The following ATXN7L1 variants were observed in gnomAD, a reference collection of about 807,000 sequenced individuals.
ATXN7L1 encodes ataxin 7 like 1, also known as ataxin-7-like protein 1.
ATXN7L1 carries 15 observed loss-of-function variants against 70.8 expected under a neutral mutation model. The observed-to-expected ratio is 0.21, with a 90% confidence interval of 0.14 to 0.33. The LOEUF (loss-of-function observed/expected upper bound fraction) is 0.33. Among genes scored for constraint, ATXN7L1 ranks in the 10% least tolerant of loss-of-function variants. ATXN7L1 has a pLI of 1.00. For missense variants in ATXN7L1, 975 were observed against 1,097.1 expected, an observed-to-expected ratio of 0.89 and a Z score of 1.57; for synonymous variants, 440 against 445.1, an observed-to-expected ratio of 0.99 and a Z score of 0.14.
intron 3 of ATXN7L1, among the ~76,000 whole-genome samples, chr7:105,716,378 G>A (rs899849068): frequency 6.6e-6 from 1 of 152,010 alleles, no homozygotes; most frequent in Admixed American, 6.6e-5. Context: ...CATTCTTCCC[G>A]CAGCGTTTGG....
At chr7:105,617,305 T>A (rs1221780049) in intron 9 of ATXN7L1, among the ~76,000 whole-genome samples, 1 of 152,174 alleles carries the variant, frequency 6.6e-6, no homozygotes, top group Non-Finnish European at 1.5e-5. Context: ...ATTACAGGCA[T>A]GAGCCACTGC....
intron 3 of ATXN7L1, among the ~76,000 whole-genome samples, chr7:105,690,835 G>A (rs370804574): frequency 1.3e-5 from 2 of 152,058 alleles, no homozygotes; most frequent in East Asian, 1.9e-4. Context: ...TAAATATTAC[G>A]GGAAACCCTT....
intron 3 of ATXN7L1, among the ~76,000 whole-genome samples, chr7:105,692,424 T>TCCCTCCCTCCCTCCCTCCTTCCTCCCTC (rs1554431696): frequency 1.1e-5 from 1 of 88,086 alleles, no homozygotes; most frequent in African/African-American, 4.4e-5. Flanking sequence ...CTTCCTTCCT[T>TCCCTCCCTCCCTCCCTCCTTCCTCCCTC]CCTCCCTCCC....
At chr7:105,636,457 C>T (rs748154471) in intron 7 of ATXN7L1, among the ~76,000 whole-genome samples, 2 of 137,428 alleles carry the variant, frequency 1.5e-5, no homozygotes. Flanking sequence ...GCCCCCCCCA[C>T]CCCCACTTCT....
At chr7:105,693,454 G>C (rs532159564) in intron 3 of ATXN7L1, among the ~76,000 whole-genome samples, 1 of 152,298 alleles carries the variant, frequency 6.6e-6, no homozygotes, top group East Asian at 1.9e-4. Flanking sequence ...GGCCTCCAAA[G>C]TGCTGGGGTT....
At chr7:105,732,522 A>T (rs1796688908) in intron 3 of ATXN7L1, among the ~76,000 whole-genome samples, 1 of 152,200 alleles carries the variant, frequency 6.6e-6, no homozygotes, top group Non-Finnish European at 1.5e-5. Flanking sequence ...TAGTGGAAAT[A>T]AATTCATAGT....
intron 3 of ATXN7L1, among the ~76,000 whole-genome samples, chr7:105,762,937 T>A (rs778427176): frequency 6.6e-6 from 1 of 152,154 alleles, no homozygotes; most frequent in Non-Finnish European, 1.5e-5. Flanking sequence ...CACCAGGAAC[T>A]GAGGCCTCCA....
chr7:105,685,069 A>ATAC lies in ATXN7L1; in HGVS notation c.356-19782_356-19781insGTA, dbSNP rs1563001576. On this transcript the variant is annotated intron_variant, in intron 3 of 11. Transcript: ENST00000419735. ...GATAATAATAATAATAATAATAATA[A>ATAC]TAATAATAATAATAATAAATGGTTT... is the stretch of plus-strand genomic sequence containing the variant. Among the ~76,000 whole-genome samples the ATAC allele has an allele frequency of 4.0e-5, 6 of 149,518 alleles. No individual in the cohort carries two copies. In the East Asian group the frequency reaches 1.2e-3, roughly 29 times the overall value.
At chr7:105,740,842 G>A (rs1797942874) in intron 3 of ATXN7L1, among the ~76,000 whole-genome samples, 1 of 145,590 alleles carries the variant, frequency 6.9e-6, no homozygotes, top group Non-Finnish European at 1.5e-5. Context: ...TTGGCTCACT[G>A]GAAGCTCCGC....
intron 3 of ATXN7L1, among the ~76,000 whole-genome samples, chr7:105,762,282 A>G (rs1402027464): frequency 1.3e-5 from 2 of 152,172 alleles, no homozygotes; most frequent in East Asian, 1.9e-4. Flanking sequence ...TTCTGCCTTC[A>G]ATCCCTGTTC....
chr7:105,776,443 T>C (rs1188738858), intron 3 of ATXN7L1, among the ~76,000 whole-genome samples: 1 of 152,142 alleles, frequency 6.6e-6, no homozygotes, highest in Non-Finnish European at 1.5e-5. Context: ...GCTTCCTTCC[T>C]TCTTTCTTCC....
chr7:105,787,904 A>G (rs1804550061), intron 3 of ATXN7L1, among the ~76,000 whole-genome samples: 1 of 152,230 alleles, frequency 6.6e-6, no homozygotes, highest in Non-Finnish European at 1.5e-5. Flanking sequence ...ATAGATAAGG[A>G]AACTTCCACC....
At chr7:105,636,939 C>A (rs1327423106) in intron 7 of ATXN7L1, among the ~76,000 whole-genome samples, 1 of 152,186 alleles carries the variant, frequency 6.6e-6, no homozygotes, top group African/African-American at 2.4e-5. Flanking sequence ...GCTGTATATA[C>A]AATTGAAGCC....
At chr7:105,812,207 G>T (rs1808528999) in intron 2 of ATXN7L1, among the ~76,000 whole-genome samples, 1 of 152,204 alleles carries the variant, frequency 6.6e-6, no homozygotes, top group African/African-American at 2.4e-5. Flanking sequence ...GAGCAGGCCT[G>T]CAATAAGCAT....
At chr7:105,697,459 C>T (rs527910250) in intron 3 of ATXN7L1, among the ~76,000 whole-genome samples, 16 of 152,226 alleles carry the variant, frequency 1.1e-4, no homozygotes, top group African/African-American at 2.7e-4. Flanking sequence ...GGCTCACCTG[C>T]GGTCAGAGTT....
intron 9 of ATXN7L1, among the ~76,000 whole-genome samples, chr7:105,616,222 G>A (rs1174189953): frequency 6.6e-6 from 1 of 152,194 alleles, no homozygotes; most frequent in African/African-American, 2.4e-5. Context: ...TAGAACACGT[G>A]CAAGACAGGG....
intron 3 of ATXN7L1, chr7:105,760,064 C>T (rs554108574): frequency 1.1e-4 from 47 of 410,952 alleles, no homozygotes; most frequent in African/African-American, 1.0e-3. Context: ...CAACAAGCCT[C>T]CTCCTACTTC....
At chr7:105,730,995 A>G (rs116113570) in intron 3 of ATXN7L1, among the ~76,000 whole-genome samples, 1 of 152,172 alleles carries the variant, frequency 6.6e-6, no homozygotes, top group Admixed American at 6.5e-5. Context: ...GAGAATCCCT[A>G]ATCAGAAAAT....
chr7:105,654,205 C>T (rs1007018204), intron 4 of ATXN7L1, among the ~76,000 whole-genome samples: 3 of 152,236 alleles, frequency 2.0e-5, no homozygotes, highest in Non-Finnish European at 2.9e-5. Context: ...GGCACCCCAC[C>T]AATGCTTGGT....
Sources: allele counts gnomAD v4.1 joint callset (sites outside exome capture counted in the v4.1 genomes callset), GRCh38; gene constraint gnomAD v4.1.1; transcripts MANE v1.5; gene names NCBI Gene and HGNC (gene_info 2026-07-23, HGNC 2026-07-21).